The following RBFOX3 variants were observed in gnomAD, a reference collection of about 807,000 sequenced individuals.
RBFOX3 encodes RNA binding protein fox-1 homolog 3.
A neutral mutation model predicts 48.7 loss-of-function variants in RBFOX3; 17 were observed. The ratio of observed to expected loss-of-function variants is 0.35; its 90% CI spans 0.24 to 0.52. RBFOX3 has a LOEUF of 0.52. RBFOX3 is among the 20% of genes least tolerant of loss of function. The pLI, the probability that RBFOX3 is intolerant of heterozygous loss-of-function variation, is 0.94. For synonymous variants in RBFOX3, 212 were observed against 209.5 expected (o/e 1.01, Z -0.10); for missense variants, 382 against 497.5 (o/e 0.77, Z 2.21).
At chr17:79,227,355 A>G (rs566165973) in intron 4 of RBFOX3, among the ~76,000 whole-genome samples, 1 of 152,280 alleles carries the variant, frequency 6.6e-6, no homozygotes, top group South Asian at 2.1e-4. Context: ...CTTTGATCCC[A>G]TGGACCAGAT....
intron 1 of RBFOX3, among the ~76,000 whole-genome samples, chr17:79,547,845 G>A (rs1453106628): frequency 1.9e-4 from 26 of 136,736 alleles, no homozygotes; most frequent in African/African-American, 6.9e-4. Context: ...CACCCACACC[G>A]ATTCACAGCC....
intron 2 of RBFOX3, among the ~76,000 whole-genome samples, chr17:79,325,811 A>G (rs143782838): frequency 2.0e-5 from 3 of 152,214 alleles, no homozygotes; most frequent in African/African-American, 7.2e-5. Flanking sequence ...TGGACTGCTC[A>G]CACTCCATTA....
At chr17:79,659,148 C>A in the RBFOX3 span, among the ~76,000 whole-genome samples, 2 of 152,076 alleles carry the variant, frequency 1.3e-5, no homozygotes, top group South Asian at 4.1e-4. Context: ...CGCGGGGGCC[C>A]GTGACAACAT....
At chr17:79,215,105 C>T (rs1312653100) in intron 4 of RBFOX3, among the ~76,000 whole-genome samples, 1 of 152,198 alleles carries the variant, frequency 6.6e-6, no homozygotes, top group Non-Finnish European at 1.5e-5. Context: ...TGTTCACACA[C>T]CCCAGGCCAT....
At chr17:79,453,674 T>A (rs573911246) in intron 2 of RBFOX3, among the ~76,000 whole-genome samples, 26 of 152,022 alleles carry the variant, frequency 1.7e-4, no homozygotes, top group Admixed American at 1.2e-3. Context: ...GGGGTGTGTG[T>A]GTAGATGTGT....
chr17:79,593,077 G>A (rs1243814845), intron 1 of RBFOX3, among the ~76,000 whole-genome samples: 10 of 152,274 alleles, frequency 6.6e-5, no homozygotes, highest in Admixed American at 4.6e-4. Flanking sequence ...ACTCTCGGGG[G>A]ACAGAAGTGG....
intron 4 of RBFOX3, among the ~76,000 whole-genome samples, chr17:79,144,269 G>A (rs1278195668): frequency 6.6e-6 from 1 of 152,248 alleles, no homozygotes; most frequent in Non-Finnish European, 1.5e-5. Context: ...GAGGCCTGAA[G>A]AATTGTCCCG....
intron 2 of RBFOX3, among the ~76,000 whole-genome samples, chr17:79,369,132 G>A (rs1598409023): frequency 6.6e-6 from 1 of 152,168 alleles, no homozygotes; most frequent in African/African-American, 2.4e-5. Flanking sequence ...TGCAGCTGGT[G>A]GGCATCCGGT....
chr17:79,530,494 A>G (rs1442641650), intron 1 of RBFOX3, among the ~76,000 whole-genome samples: 1 of 152,104 alleles, frequency 6.6e-6, no homozygotes, highest in Non-Finnish European at 1.5e-5. Flanking sequence ...CCCGGGGCCA[A>G]CTGATGGTAG....
intron 4 of RBFOX3, among the ~76,000 whole-genome samples, chr17:79,134,091 C>A (rs1391016653): frequency 6.6e-6 from 1 of 152,160 alleles, no homozygotes; most frequent in Non-Finnish European, 1.5e-5. Context: ...AAGGCAGGAC[C>A]CCACCCTTGC....
At chr17:79,649,686 G>A in the RBFOX3 span, among the ~76,000 whole-genome samples, 2 of 152,044 alleles carry the variant, frequency 1.3e-5, no homozygotes, top group Admixed American at 1.3e-4. Context: ...AGCCGACAGA[G>A]CAACACTCCA....
At chr17:79,438,169 T>A (rs2069990527) in intron 2 of RBFOX3, among the ~76,000 whole-genome samples, 1 of 152,154 alleles carries the variant, frequency 6.6e-6, no homozygotes, top group Non-Finnish European at 1.5e-5. Flanking sequence ...CTTCATGTTG[T>A]TGAAAAGAAA....
intron 2 of RBFOX3, among the ~76,000 whole-genome samples, chr17:79,407,252 C>T (rs1201709161): frequency 6.6e-6 from 1 of 152,242 alleles, no homozygotes; most frequent in Non-Finnish European, 1.5e-5. Context: ...AGGTGATCCA[C>T]CTGCCTCGGC....
At chr17:79,577,605 A>G (rs1229855296) in intron 1 of RBFOX3, among the ~76,000 whole-genome samples, 1 of 152,252 alleles carries the variant, frequency 6.6e-6, no homozygotes, top group Admixed American at 6.5e-5. Flanking sequence ...AAGTTTCTGC[A>G]AGTACAGTCA....
chr17:79,647,196 A>G, the RBFOX3 span, among the ~76,000 whole-genome samples: 1 of 152,098 alleles, frequency 6.6e-6, no homozygotes, highest in Non-Finnish European at 1.5e-5. Context: ...ACCTTTCATA[A>G]ACAACCATGA....
chr17:79,538,568 G>A (rs913518740), intron 1 of RBFOX3, among the ~76,000 whole-genome samples: 1 of 152,238 alleles, frequency 6.6e-6, no homozygotes, highest in Admixed American at 6.5e-5. Flanking sequence ...GGACAGTAAA[G>A]GCGGGTGGGC....
At chr17:79,556,430 T>C (rs1457753056) in intron 1 of RBFOX3, among the ~76,000 whole-genome samples, 2 of 152,118 alleles carry the variant, frequency 1.3e-5, no homozygotes, top group African/African-American at 4.8e-5. Context: ...CAGACCATGC[T>C]GGAAACAGGG....
At chr17:79,520,671 C>G (rs919746766) in intron 1 of RBFOX3, among the ~76,000 whole-genome samples, 9,665 of 152,340 alleles carry the variant, frequency 0.063, 662 homozygotes, top group African/African-American at 0.17. Context: ...CCGGCGCCAC[C>G]CTGCAAAGAG....
chr17:79,647,722 G>A, the RBFOX3 span, among the ~76,000 whole-genome samples: 4 of 152,254 alleles, frequency 2.6e-5, no homozygotes, highest in South Asian at 8.3e-4. Flanking sequence ...CGCATGACCA[G>A]GGCCTTGTGG....
Sources: gnomAD v4.1 joint callset for allele counts (sites outside exome capture counted in the v4.1 genomes callset) on GRCh38, gnomAD v4.1.1 for gene constraint, MANE v1.5 for transcripts, NCBI Gene and HGNC (gene_info 2026-07-23, HGNC 2026-07-21) for gene names.